LPCAT3: variants seen among roughly 807,000 people sequenced by gnomAD.
LPCAT3 encodes lysophosphatidylcholine acyltransferase 3, also known as lysophospholipid acyltransferase 5.
Under a neutral mutation model 63.4 loss-of-function variants are expected in LPCAT3, and 21 were observed. The observed-to-expected ratio is 0.33, with a 90% CI of 0.23 to 0.48. LPCAT3 has a LOEUF of 0.48. Ranked by LOEUF, LPCAT3 falls within the 20% of genes least tolerant of loss-of-function variation. The pLI, the probability that LPCAT3 is intolerant of heterozygous loss-of-function variation, is 0.99. For missense variants in LPCAT3, 451 were observed against 590.6 expected (o/e 0.76, Z 2.45); for synonymous variants, 242 against 227.5 (o/e 1.06, Z -0.58).
intron 1 of LPCAT3, among the ~76,000 whole-genome samples, chr12:7,008,874 GA>G (rs1946744302): frequency 1.3e-5 from 2 of 152,090 alleles, no homozygotes; most frequent in African/African-American, 2.4e-5. Context: ...ATAACAATGT[GA>G]ACATAATAAC....
rs58592660 is a variant in LPCAT3 at position 6,993,443 on chromosome 12, A to G, written c.152-9904T>C. ...GCGAGACTCCATCTCAAAAAGAAAAAAAAAAAAGGTTGTGCAGCCATCCCC... is the reference window on the plus strand; with the variant it reads ...GCGAGACTCCATCTCAAAAAGAAAAGAAAAAAAGGTTGTGCAGCCATCCCC... On this transcript the variant is annotated intron_variant, in intron 1 of 12. Coordinates refer to ENST00000261407, the MANE Select transcript of LPCAT3 (RefSeq NM_005768.6). 0.014 allele frequency among the ~76,000 whole-genome samples: 2,156 copies of G among 152,168 alleles called. 130 individuals carry two copies. The East Asian group carries it at 0.16, about 12-fold the overall frequency.
chr12:6,984,386 T>C (rs1216606957), intron 1 of LPCAT3, among the ~76,000 whole-genome samples: 1 of 152,200 alleles, frequency 6.6e-6, no homozygotes, highest in Non-Finnish European at 1.5e-5. Context: ...AATTAGCACA[T>C]TCCATGGCTT....
chr12:6,985,875 A>G (rs1264474114), intron 1 of LPCAT3, among the ~76,000 whole-genome samples: 1 of 151,158 alleles, frequency 6.6e-6, no homozygotes. Flanking sequence ...CCTAGGTTCA[A>G]GCGATTCTCC....
chr12:7,011,403 T>C lies in LPCAT3; in HGVS notation c.151+6871A>G, dbSNP rs782114419. On this transcript the variant is annotated intron_variant, in intron 1 of 12. Coordinates refer to ENST00000261407, the MANE Select transcript of LPCAT3 (RefSeq NM_005768.6). ...GCTTATGCCTGTAATCTCAGCACTT[T>C]GGGAGGCTGAGGCTGGTGGATTGCT... 4.1e-4 allele frequency among the ~76,000 whole-genome samples: 62 copies of C among 152,124 alleles called. No homozygotes were observed. In the Middle Eastern group the frequency reaches 0.017, roughly 42 times the overall value.
intron 1 of LPCAT3, among the ~76,000 whole-genome samples, chr12:6,986,173 T>G (rs978350283): frequency 6.6e-6 from 1 of 152,150 alleles, no homozygotes; most frequent in Non-Finnish European, 1.5e-5. Flanking sequence ...AACACAATTT[T>G]GAACAGCAAG....
chr12:7,006,124 T>C (rs1555156847), intron 1 of LPCAT3, among the ~76,000 whole-genome samples: 1 of 152,214 alleles, frequency 6.6e-6, no homozygotes, highest in Non-Finnish European at 1.5e-5. Context: ...TGATTACTGT[T>C]AGGATCTTAA....
rs782802160 is a variant in LPCAT3 at position 6,977,705 on chromosome 12, G to T, written c.1081C>A (p.Leu361Ile). ...AATAGCAACGAGAGACCCTGAGAGA[G>T]TTCTTTATTTCCAAGGAACTTGAGT... ...KRLKFLGNKE[L>I]SQGLSLLFLA... The change falls in exon 10 of 13, where the codon CTC becomes ATC. Residue 361 changes from leucine to isoleucine, a missense_variant. This residue lies in a region of LPCAT3 where 304 missense variants were observed against 390.8 expected (regional missense o/e 0.78). Transcript: ENST00000261407. The surrounding 1 kb of genome is among the most constrained non-coding windows in gnomAD (Gnocchi z 4.5). The T allele has an allele frequency of 9.3e-6, 15 of 1,614,092 alleles. No homozygotes were observed. In the African/African-American group the frequency reaches 1.3e-4, roughly 14 times the overall value.
chr12:7,013,748 C>T (rs1408976921), intron 1 of LPCAT3, among the ~76,000 whole-genome samples: 1 of 152,196 alleles, frequency 6.6e-6, no homozygotes, highest in Non-Finnish European at 1.5e-5. Context: ...GTCATTATAA[C>T]TTCCTCTCTA....
In LPCAT3 at chr12:6,977,160, T is replaced by C; in HGVS notation, c.1450A>G (p.Lys484Glu). The C allele has an allele frequency of 6.2e-7, 1 of 1,607,446 alleles. No homozygotes were observed. The highest frequency in any genetic ancestry group is 8.5e-7 in the Non-Finnish European group (1 of 1,173,884). ...KAMVPRKEKL[K>E]KME Reference sequence around the variant, plus strand: ...AGGGAAATGGATTATTCCATCTTCTTTAACTTCTCTTTCCTTGGCACCATT... The same window carrying C: ...AGGGAAATGGATTATTCCATCTTCTCTAACTTCTCTTTCCTTGGCACCATT... The change falls in exon 12 of 13, where the codon AAG (lysine) becomes GAG (glutamate). Residue 484 changes from lysine (K) to glutamate (E), a missense_variant. Coordinates refer to ENST00000261407, the MANE Select transcript of LPCAT3 (RefSeq NM_005768.6). This position sits in a 1 kb window ranked among gnomAD's most constrained non-coding sequence, Gnocchi z 4.5.
chr12:6,990,123 A>T (rs1946573529), intron 1 of LPCAT3, among the ~76,000 whole-genome samples: 1 of 151,488 alleles, frequency 6.6e-6, no homozygotes, highest in South Asian at 2.1e-4. Flanking sequence ...AGCTACAATG[A>T]GCTACGATGA....
Position 6,977,085 on chromosome 12 carries a change from C to T in LPCAT3, c.*12+49G>A. 2 of 1,146,426 alleles carry T rather than the reference C, an allele frequency of 1.7e-6. No individual in the cohort carries two copies. Among genetic ancestry groups the T allele is most frequent in the South Asian group, 2.5e-5 (2 of 80,416 alleles). 71.0% of individuals were successfully genotyped at this position (1,146,426 alleles called of 1,614,324 possible). ...ACTATTGTTTTTTTCCAGTCTGTTG[C>T]TCTATTCTGTAACCTGGTGGTAGTT... is the stretch of plus-strand genomic sequence containing the variant. On this transcript the variant is annotated intron_variant, in intron 12 of 12. Transcript: ENST00000261407. This position sits in a 1 kb window ranked among gnomAD's most constrained non-coding sequence, Gnocchi z 4.5.
At chr12:6,992,013 G>A (rs1946594182) in intron 1 of LPCAT3, among the ~76,000 whole-genome samples, 2 of 152,028 alleles carry the variant, frequency 1.3e-5, no homozygotes, top group African/African-American at 4.8e-5. Context: ...CCAACATGGC[G>A]AAACCCCGTC....
rs1168033233 is a variant in LPCAT3 at position 6,981,656 on chromosome 12, G to A, written c.461-24C>T. ...ACCTGAGCAGAGAGAGAACGGATGGGTAGGGTGGTGGGAGAGGACACTGAG... is the reference window on the plus strand; with the variant it reads ...ACCTGAGCAGAGAGAGAACGGATGGATAGGGTGGTGGGAGAGGACACTGAG... On this transcript the variant is annotated intron_variant, in intron 4 of 12. Coordinates refer to ENST00000261407, the MANE Select transcript of LPCAT3 (RefSeq NM_005768.6). 4.4e-6 allele frequency: 7 copies of A among 1,596,182 alleles called. No individual in the cohort carries two copies. The African/African-American group carries it at 6.7e-5, about 15-fold the overall frequency.
intron 1 of LPCAT3, among the ~76,000 whole-genome samples, chr12:7,007,197 C>T (rs1946731041): frequency 6.6e-6 from 1 of 151,852 alleles, no homozygotes; most frequent in Non-Finnish European, 1.5e-5. Flanking sequence ...GCGCCTGCCA[C>T]CATGCCCGGC....
Position 7,018,134 on chromosome 12 carries a change from T to C in LPCAT3, c.151+140A>G. The C allele has an allele frequency of 1.1e-6, 1 of 887,550 alleles. No individual in the cohort carries two copies. The highest frequency in any genetic ancestry group is 2.3e-5 in the Admixed American group (1 of 42,694). The allele number at this position is 887,550 out of a possible 1,614,324, so 55.0% of individuals were successfully genotyped here. On this transcript the variant is annotated intron_variant, in intron 1 of 12. Coordinates refer to ENST00000261407, the MANE Select transcript of LPCAT3 (RefSeq NM_005768.6). This position sits in a 1 kb window ranked among gnomAD's most constrained non-coding sequence, Gnocchi z 4.9. Reference sequence around the variant, plus strand: ...GACTTCTGTCTTCCCTCAGTAGCTGTTGGTGTGCTTCAGGATTCACACCCG... The same window carrying C: ...GACTTCTGTCTTCCCTCAGTAGCTGCTGGTGTGCTTCAGGATTCACACCCG...
At chr12:7,005,490 T>C (rs781808438) in intron 1 of LPCAT3, among the ~76,000 whole-genome samples, 1 of 152,368 alleles carries the variant, frequency 6.6e-6, no homozygotes, top group African/African-American at 2.4e-5. Context: ...ATGGTAACTG[T>C]GAACTTTTTG....
chr12:6,979,220 G>A (rs1324161529), intron 7 of LPCAT3: 2 of 535,014 alleles, frequency 3.7e-6, no homozygotes, highest in Admixed American at 3.4e-5. Context: ...GGCAAGCTAG[G>A]AGCGGCTCCT....
At position 6,979,402 on chromosome 12, in the gene LPCAT3, A is replaced by G. The variant is rs114467209; in HGVS notation, c.786+69T>C. ...TATTTCCTACTTCTCTGCTATCTGT[A>G]GGGATCCTTGCCTGTCCATTTTCTA... On this transcript the variant is annotated intron_variant, in intron 7 of 12. Transcript: ENST00000261407. The G allele has an allele frequency of 1.2e-3, 1,403 of 1,153,900 alleles. 10 individuals are homozygous for G. In the African/African-American group the frequency reaches 0.018, roughly 15 times the overall value. The allele number at this position is 1,153,900 out of a possible 1,614,324, so 71.5% of individuals were successfully genotyped here.
intron 1 of LPCAT3, among the ~76,000 whole-genome samples, chr12:7,003,928 C>CAAAAAAAAA (rs781922909): frequency 1.6e-5 from 1 of 63,442 alleles, no homozygotes; most frequent in Non-Finnish European, 3.3e-5. Context: ...GACTCCGTCT[C>CAAAAAAAAA]AAAAAAAAAA....
Sources: allele counts gnomAD v4.1 joint callset (sites outside exome capture counted in the v4.1 genomes callset), GRCh38; gene constraint gnomAD v4.1.1; regional missense constraint gnomAD v4.1.1; non-coding constraint Gnocchi (gnomAD v3.1); transcripts MANE v1.5; gene names NCBI Gene and HGNC (gene_info 2026-07-23, HGNC 2026-07-21).